Variants in MYO5B observed in about 807,000 individuals in gnomAD.
MYO5B encodes myosin VB.
A neutral mutation model predicts 229.3 loss-of-function variants in MYO5B; 143 were observed. The observed-to-expected ratio is 0.62, with a 90% CI of 0.54 to 0.72. The LOEUF (loss-of-function observed/expected upper bound fraction) is 0.72, where lower values mean the gene tolerates loss of function less well. Among genes scored for constraint, MYO5B ranks in the 30% least tolerant of loss-of-function variants. The probability of loss-of-function intolerance (pLI) is 0.00; values close to 1 mark genes in which losing one functional copy is unlikely to be tolerated. For synonymous variants in MYO5B, 918 were observed against 885.2 expected, an observed-to-expected ratio of 1.04 and a Z score of -0.66; for missense variants, 2,321 against 2,331.0, an observed-to-expected ratio of 1.00 and a Z score of 0.09.
chr18:50,070,225 T>C (rs941851792), intron 1 of MYO5B, among the ~76,000 whole-genome samples: 1 of 152,008 alleles, frequency 6.6e-6, no homozygotes, highest in African/African-American at 2.4e-5. Context: ...GGTTTCACCA[T>C]GTTTACCAGG....
intron 12 of MYO5B, among the ~76,000 whole-genome samples, chr18:49,959,421 G>A (rs2025532057): frequency 6.6e-6 from 1 of 152,148 alleles, no homozygotes; most frequent in Non-Finnish European, 1.5e-5. Context: ...AAACCTTTGG[G>A]GCCACTTCTT....
chr18:49,932,531 G>A (rs111251949), intron 16 of MYO5B, among the ~76,000 whole-genome samples: 10 of 152,238 alleles, frequency 6.6e-5, no homozygotes, highest in African/African-American at 1.2e-4. Context: ...TGTGGCCTCC[G>A]CTCTGCCACT....
At chr18:49,935,609 G>T (rs1210401108) in intron 16 of MYO5B, among the ~76,000 whole-genome samples, 1 of 152,212 alleles carries the variant, frequency 6.6e-6, no homozygotes, top group African/African-American at 2.4e-5. Context: ...GCTGTAGTAG[G>T]CTTGCACAAA....
intron 1 of MYO5B, among the ~76,000 whole-genome samples, chr18:50,073,990 C>T (rs2031020037): frequency 6.6e-6 from 1 of 152,150 alleles, no homozygotes; most frequent in Admixed American, 6.5e-5. Context: ...CTTACCTGGT[C>T]TCTGCTTCTG....
chr18:50,014,729 G>A (rs2026198951), intron 4 of MYO5B, among the ~76,000 whole-genome samples: 1 of 152,180 alleles, frequency 6.6e-6, no homozygotes, highest in African/African-American at 2.4e-5. Context: ...GGATGGGAAG[G>A]ATGTCTGTTC....
rs1482356989 is a variant in MYO5B at position 50,171,865 on chromosome 18, G to C, written c.27+22902C>G. 1.6e-5 allele frequency among the ~76,000 whole-genome samples: 2 copies of C among 128,018 alleles called. 1 individual carries two copies. The allele number at this position is 128,018 out of a possible 152,430, so 84.0% of individuals were successfully genotyped here. A position where few individuals can be genotyped will look rare whatever the true frequency, so the allele number is the denominator to read the frequency against. ...AAAGAATACAGAGAGAAAGCCAGAA[G>C]AGGCTCCTCATATAACAGCCAAATC... is the stretch of plus-strand genomic sequence containing the variant. On this transcript the variant is annotated intron_variant, in intron 1 of 39. Coordinates refer to ENST00000285039, the MANE Select transcript of MYO5B (RefSeq NM_001080467.3).
chr18:50,075,003 G>C (rs1209192984), intron 1 of MYO5B, among the ~76,000 whole-genome samples: 1 of 152,186 alleles, frequency 6.6e-6, no homozygotes, highest in Non-Finnish European at 1.5e-5. Context: ...TTTCACCATT[G>C]GTCAGGCTGG....
At chr18:49,909,318 A>C (rs2144156072) in intron 18 of MYO5B, among the ~76,000 whole-genome samples, 1 of 152,352 alleles carries the variant, frequency 6.6e-6, no homozygotes, top group African/African-American at 2.4e-5. Flanking sequence ...CAGGAAGGAT[A>C]ACTGCACTCA....
At chr18:49,897,522 T>C (rs1350330635) in intron 21 of MYO5B, among the ~76,000 whole-genome samples, 1 of 152,132 alleles carries the variant, frequency 6.6e-6, no homozygotes, top group Non-Finnish European at 1.5e-5. Context: ...TTGATAGATA[T>C]GCAATGTGAA....
intron 1 of MYO5B, among the ~76,000 whole-genome samples, chr18:50,185,385 A>G (rs191364730): frequency 1.8e-4 from 28 of 152,300 alleles, no homozygotes; most frequent in South Asian, 1.0e-3. Flanking sequence ...TATTGGCCAT[A>G]TCAATGAAGA....
chr18:49,964,847 G>A (rs773398677), intron 10 of MYO5B, among the ~76,000 whole-genome samples: 3 of 152,206 alleles, frequency 2.0e-5, no homozygotes, highest in Non-Finnish European at 4.4e-5. Flanking sequence ...CTTTGGGCAG[G>A]GGAAGGTGGA....
At chr18:50,003,352 G>A (rs1275898888) in intron 4 of MYO5B, among the ~76,000 whole-genome samples, 3 of 152,206 alleles carry the variant, frequency 2.0e-5, no homozygotes, top group African/African-American at 7.2e-5. Flanking sequence ...AATTACCAGT[G>A]TCTCTCTGAG....
chr18:50,156,073 T>G (rs915257207), intron 1 of MYO5B, among the ~76,000 whole-genome samples: 1 of 152,154 alleles, frequency 6.6e-6, no homozygotes, highest in African/African-American at 2.4e-5. Context: ...TTGTTCCAAT[T>G]TAAAGTAAAA....
intron 1 of MYO5B, among the ~76,000 whole-genome samples, chr18:50,082,078 T>C (rs1396080706): frequency 1.3e-5 from 2 of 152,214 alleles, no homozygotes; most frequent in Admixed American, 6.5e-5. Context: ...ACAGTTGAGA[T>C]TGGCAGCTAA....
intron 14 of MYO5B, among the ~76,000 whole-genome samples, chr18:49,945,460 T>G (rs2025361473): frequency 2.0e-5 from 3 of 151,766 alleles, no homozygotes; most frequent in Admixed American, 2.0e-4. Context: ...GTCCTTTTTT[T>G]TTTCATTAAT....
intron 1 of MYO5B, among the ~76,000 whole-genome samples, chr18:50,117,777 T>A (rs2031989222): frequency 6.6e-6 from 1 of 152,018 alleles, no homozygotes; most frequent in Non-Finnish European, 1.5e-5. Flanking sequence ...GCTAAAAACA[T>A]CCCTCCTCTC....
intron 17 of MYO5B, among the ~76,000 whole-genome samples, chr18:49,921,313 C>T (rs1030584904): frequency 6.8e-6 from 1 of 146,918 alleles, no homozygotes; most frequent in African/African-American, 2.5e-5. Context: ...CCCCACCACA[C>T]ACACACTTTT....
chr18:49,932,269 C>T (rs1178855871), intron 16 of MYO5B, among the ~76,000 whole-genome samples: 3 of 152,146 alleles, frequency 2.0e-5, no homozygotes, highest in Non-Finnish European at 2.9e-5. Flanking sequence ...TGGTGCTGGT[C>T]CCCTCCCCTC....
At chr18:50,053,985 C>T (rs2030473983) in intron 2 of MYO5B, among the ~76,000 whole-genome samples, 1 of 152,178 alleles carries the variant, frequency 6.6e-6, no homozygotes, top group Admixed American at 6.5e-5. Context: ...TTCTTCCAAA[C>T]CTATTTTTCT....
Sources: gnomAD v4.1 joint callset for allele counts (sites outside exome capture counted in the v4.1 genomes callset) on GRCh38, gnomAD v4.1.1 for gene constraint, MANE v1.5 for transcripts, NCBI Gene and HGNC (gene_info 2026-07-23, HGNC 2026-07-21) for gene names.